Variants in TNK2 observed in about 807,000 individuals in gnomAD.
TNK2 encodes the protein activated CDC42 kinase 1.
Under a neutral mutation model 101.8 loss-of-function variants are expected in TNK2, and 83 were observed. The observed-to-expected ratio is 0.82, with a 90% CI of 0.68 to 0.98. The LOEUF is 0.98. Among genes scored for constraint, TNK2 ranks in the 50% least tolerant of loss-of-function variants. The pLI is 0.00. For synonymous variants in TNK2, 804 were observed against 633.0 expected (o/e 1.27, Z -4.06); for missense variants, 1,665 against 1,483.2 (o/e 1.12, Z -2.01).
chr3:195,887,951 C>T (rs1323665272), intron 2 of TNK2, among the ~76,000 whole-genome samples: 3 of 80,662 alleles, frequency 3.7e-5, no homozygotes, highest in African/African-American at 2.4e-4. Context: ...TGCGTGTGTG[C>T]CTGCGTGTGT....
Position 195,888,654 on chromosome 3 carries a change from A to G in TNK2, c.-18-48T>C. ...GGGACAAGGGTTGTGGGGGGACAAC[A>G]GGGGCCTGCCCGAGTGACCTGGGCT... On this transcript the variant is annotated intron_variant, in intron 1 of 15. Transcript: ENST00000672887. The surrounding 1 kb of genome is among the most constrained non-coding windows in gnomAD (Gnocchi z 5.3). 1.3e-6 allele frequency: 2 copies of G among 1,542,824 alleles called. No homozygotes were observed. Among genetic ancestry groups the G allele is most frequent in the African/African-American group, 1.4e-5 (1 of 73,596 alleles).
Position 195,888,550 on chromosome 3 carries a change from C to T in TNK2, c.39G>A (p.Leu13=). 6 of 1,612,552 alleles carry T rather than the reference C, an allele frequency of 3.7e-6. No individual in the cohort carries two copies. The highest frequency in any genetic ancestry group is 5.1e-6 in the Non-Finnish European group (6 of 1,179,882). ...PEEGTGWLLE[L]LSEVQLQQYF... Reference sequence around the variant, plus strand: ...ACTGTTGCAGCTGCACCTCGGACAGCAGCTCCAGCAGCCAGCCTGTGCCCT... The same window carrying T: ...ACTGTTGCAGCTGCACCTCGGACAGTAGCTCCAGCAGCCAGCCTGTGCCCT... The change falls in exon 2 of 16, where the codon CTG becomes CTA. Residue 13 remains leucine, a synonymous_variant. Coordinates refer to ENST00000672887, the MANE Select transcript of TNK2 (RefSeq NM_001382273.1). The surrounding 1 kb of genome is among the most constrained non-coding windows in gnomAD (Gnocchi z 5.3).
rs140768562 is a variant in TNK2 at position 195,863,755 on chromosome 3, G to A, written c.*426C>T. The A allele has an allele frequency of 3.2e-4, 58 of 181,850 alleles. No homozygotes were observed. Among genetic ancestry groups the A allele is most frequent in the African/African-American group, 5.8e-4 (25 of 42,832 alleles). The allele number at this position is 181,850 out of a possible 1,614,324, so 11.3% of individuals were successfully genotyped here. A position where few individuals can be genotyped will look rare whatever the true frequency, so the allele number is the denominator to read the frequency against. ...GTCCTAGGAGGTCCCACCGGGTGCC[G>A]GTCCGCCTCTCCCTGTGGCCAACAC... On this transcript the variant is annotated 3_prime_UTR_variant, in exon 16 of 16. Transcript: ENST00000672887.
At position 195,879,080 on chromosome 3, in the gene TNK2, T is replaced by A. The variant is rs1338808066; in HGVS notation, c.983A>T (p.Gln328Leu). The change falls in exon 7 of 16, where the codon CAG becomes CTG. Residue 328 changes from glutamine (Q) to leucine (L), a missense_variant. Gln to Leu is a moderately radical substitution (Grantham distance 113). This residue lies in a region of TNK2 where 490 missense variants were observed against 522.5 expected (regional missense o/e 0.94). Transcript: ENST00000672887. Reference protein sequence around the residue: ...VTLWEMFTYGQEPWIGLNGSQ... With the variant: ...VTLWEMFTYGLEPWIGLNGSQ... Reference sequence around the variant, plus strand: ...GCCGTTGAGGCCGATCCAGGGCTCCTGGCCGTAGGTGAACATTTCCCACAG... The same window carrying A: ...GCCGTTGAGGCCGATCCAGGGCTCCAGGCCGTAGGTGAACATTTCCCACAG... 1 of 1,613,662 alleles carries A rather than the reference T, an allele frequency of 6.2e-7. No homozygotes were observed. Among genetic ancestry groups the A allele is most frequent in the Non-Finnish European group, 8.5e-7 (1 of 1,179,982 alleles).
Position 195,886,909 on chromosome 3 carries a change from G to T in TNK2, c.234+68C>A. The T allele has an allele frequency of 6.4e-7, 1 of 1,565,636 alleles. No homozygotes were observed. Among genetic ancestry groups the T allele is most frequent in the Admixed American group, 1.7e-5 (1 of 59,912 alleles). The stretch of plus-strand genomic sequence containing the variant: ...GCCGGGGAGCTGGGGAAGGTTCCCA[G>T]GACCAGAAGCGGAGGGGGGCGTTCG... On this transcript the variant is annotated intron_variant, in intron 3 of 15. Coordinates refer to ENST00000672887, the MANE Select transcript of TNK2 (RefSeq NM_001382273.1). The surrounding 1 kb of genome is among the most constrained non-coding windows in gnomAD (Gnocchi z 4.2).
At chr3:195,899,479 A>C (rs1393379730) in intron 1 of TNK2, among the ~76,000 whole-genome samples, 1 of 151,992 alleles carries the variant, frequency 6.6e-6, no homozygotes, top group Non-Finnish European at 1.5e-5. Flanking sequence ...AGTGTGCGCC[A>C]CCACGCCCAG....
rs928225055 is a variant in TNK2 at position 195,885,357 on chromosome 3, A to C, written c.235-324T>G. 11 of 1,369,014 alleles carry C rather than the reference A, an allele frequency of 8.0e-6. No individual in the cohort carries two copies. Among genetic ancestry groups the C allele is most frequent in the Non-Finnish European group, 1.1e-5 (11 of 1,045,982 alleles). 84.8% of individuals were successfully genotyped at this position (1,369,014 alleles called of 1,614,324 possible). On this transcript the variant is annotated intron_variant, in intron 3 of 15. Transcript: ENST00000672887. The surrounding 1 kb of genome is among the most constrained non-coding windows in gnomAD (Gnocchi z 4.7). ...CCAGCCAAGGTCGGAGTCTCCTCCC[A>C]GTCCTGCCCCACCCTCCCTTCCTGC...
intron 15 of TNK2, among the ~76,000 whole-genome samples, 200 bp from the exon 16 acceptor site, chr3:195,864,387 G>A (rs561088375): frequency 2.6e-5 from 4 of 152,060 alleles, no homozygotes; most frequent in Admixed American, 6.6e-5. Context: ...GCACTCCTGC[G>A]TATTAGAGAA....
In TNK2 at chr3:195,888,490, G is replaced by A; in HGVS notation, c.99C>T (p.Thr33=). ...FLRLRDDLNV[T]RLSHFEYVKN... is the part of the protein sequence containing the mutation. ...TGACGTACTCAAAGTGGGACAGGCGGGTGACGTTGAGGTCATCTCGGAGCC... is the reference window on the plus strand; with the variant it reads ...TGACGTACTCAAAGTGGGACAGGCGAGTGACGTTGAGGTCATCTCGGAGCC... The change falls in exon 2 of 16, where the codon ACC becomes ACT. Residue 33 remains threonine (T), a synonymous_variant. Transcript: ENST00000672887. The surrounding 1 kb of genome is among the most constrained non-coding windows in gnomAD (Gnocchi z 5.3). 1 of 1,614,074 alleles carries A rather than the reference G, an allele frequency of 6.2e-7. No individual in the cohort carries two copies. Among genetic ancestry groups the A allele is most frequent in the African/African-American group, 1.3e-5 (1 of 75,024 alleles).
At chr3:195,881,991 C>T in intron 6 of TNK2, 60 bp downstream of exon 6, 1 of 1,559,772 alleles carries the variant, frequency 6.4e-7, no homozygotes, top group Non-Finnish European at 8.7e-7. Flanking sequence ...CAGAAAGCCC[C>T]AGAAGCTTTG....
At chr3:195,880,052 G>C (rs1428266328) in intron 6 of TNK2, among the ~76,000 whole-genome samples, 1 of 152,056 alleles carries the variant, frequency 6.6e-6, no homozygotes, top group Non-Finnish European at 1.5e-5. Context: ...GGATCATAAG[G>C]GTTGCCCACA....
rs1449636952 is a variant in TNK2, at chr3:195,868,423, C to T, written c.1875G>A (p.Arg625=). Residue 625 remains arginine (R), a synonymous_variant, in exon 13 of 16, where the codon CGG becomes CGA. Coordinates refer to ENST00000672887, the MANE Select transcript of TNK2 (RefSeq NM_001382273.1). ...LDETPPQSPT[R]ALPRPLHPTP... is the part of the protein sequence containing the mutation. Reference sequence around the variant, plus strand: ...TGGGGTGCAGGGGCCGGGGCAGTGCCCGCGTGGGGCTCTGAGGCGGGGTCT... The same window carrying T: ...TGGGGTGCAGGGGCCGGGGCAGTGCTCGCGTGGGGCTCTGAGGCGGGGTCT... 1.9e-6 allele frequency: 3 copies of T among 1,570,380 alleles called. No homozygotes were observed. Among genetic ancestry groups the T allele is most frequent in the Middle Eastern group, 1.7e-4 (1 of 5,880 alleles).
chr3:195,867,377 G>C lies in TNK2; in HGVS notation c.2921C>G (p.Ala974Gly). Reference protein sequence around the residue: ...PGDGPEAGRPADKIQMLQAMV... With the variant: ...PGDGPEAGRPGDKIQMLQAMV... ...GGTGCTCACCATCTGGATCTTGTCT[G>C]CTGGCCGGCCCGCCTCTGGCCCATC... The change falls in exon 13 of 16, where the codon GCA becomes GGA. Residue 974 changes from alanine (A) to glycine (G), a missense_variant. Ala to Gly is a moderately conservative substitution (Grantham distance 60). Around this residue, in one of 3 missense-constraint regions of TNK2, gnomAD observed 1,136 missense variants for 894.9 expected, o/e 1.27. Transcript: ENST00000672887. The C allele has an allele frequency of 6.2e-7, 1 of 1,605,422 alleles. No homozygotes were observed. Among genetic ancestry groups the C allele is most frequent in the Non-Finnish European group, 8.5e-7 (1 of 1,177,374 alleles).
intron 14 of TNK2, 43 bp downstream of exon 14, chr3:195,867,126 T>C: frequency 6.2e-7 from 1 of 1,609,152 alleles, no homozygotes; most frequent in Non-Finnish European, 8.5e-7. Context: ...AGAACCAGGC[T>C]TCAGGGTCCC....
Position 195,868,178 on chromosome 3 carries a change from T to A in TNK2, c.2120A>T (p.Gln707Leu), listed in dbSNP as rs559677615. 23 of 1,609,870 alleles carry A rather than the reference T, an allele frequency of 1.4e-5. No individual in the cohort carries two copies. In the African/African-American group the frequency reaches 2.8e-4, roughly 20 times the overall value. ...PLEDNLFLPPQGGGKPPSSAQ... is the reference protein window; with the variant it reads ...PLEDNLFLPPLGGGKPPSSAQ... ...GGAGCTGGGCGGCTTGCCCCCACCC[T>A]GGGGCGGGAGGAACAGGTTGTCCTC... The change falls in exon 13 of 16, where the codon CAG becomes CTG. Residue 707 changes from glutamine to leucine, a missense_variant. Transcript: ENST00000672887.
intron 9 of TNK2, among the ~76,000 whole-genome samples, chr3:195,875,668 C>G (rs890332265): frequency 6.6e-6 from 1 of 152,182 alleles, no homozygotes; most frequent in African/African-American, 2.4e-5. Context: ...CTCTCTCTCC[C>G]GCCATGAACA....
At chr3:195,864,399 C>T (rs764161567) in intron 15 of TNK2, among the ~76,000 whole-genome samples, 1 of 152,076 alleles carries the variant, frequency 6.6e-6, no homozygotes, top group Non-Finnish European at 1.5e-5. Context: ...ATTAGAGAAT[C>T]CGAAGACGAC....
intron 11 of TNK2, 112 bp from the exon 12 acceptor site, chr3:195,869,653 G>A: frequency 9.1e-7 from 1 of 1,098,380 alleles, no homozygotes; most frequent in Non-Finnish European, 1.4e-6. Context: ...GGAGAGAAGT[G>A]AATGGGGGCG....
intron 1 of TNK2, among the ~76,000 whole-genome samples, chr3:195,889,866 G>C (rs1478249285): frequency 6.6e-6 from 1 of 152,206 alleles, no homozygotes; most frequent in Admixed American, 6.5e-5. Flanking sequence ...AAGAGGAACA[G>C]GCGAGAGAAA....
Sources: allele counts gnomAD v4.1 joint callset (sites outside exome capture counted in the v4.1 genomes callset), GRCh38; gene constraint gnomAD v4.1.1; regional missense constraint gnomAD v4.1.1; non-coding constraint Gnocchi (gnomAD v3.1); transcripts MANE v1.5; gene names NCBI Gene and HGNC (gene_info 2026-07-23, HGNC 2026-07-21).